PKN2: variants seen among roughly 807,000 people sequenced by gnomAD.
The protein encoded by PKN2 is serine/threonine-protein kinase N2.
PKN2 carries 38 observed loss-of-function variants against 119.1 expected under a neutral mutation model. The observed-to-expected ratio is 0.32, with a 90% CI of 0.25 to 0.42. The LOEUF (loss-of-function observed/expected upper bound fraction) is 0.42. PKN2 is among the 10% of genes least tolerant of loss of function. PKN2 has a pLI of 1.00. For missense variants in PKN2, 850 were observed against 1,165.1 expected (o/e 0.73, Z 3.94); for synonymous variants, 390 against 384.9 (o/e 1.01, Z -0.15).
In PKN2 at chr1:88,813,541, A is replaced by C; in HGVS notation, c.2103-16A>C. ...TTATTTTTAATCTGCTTATTTTAAA[A>C]TATTTTCTTTTACAGCCTGATGTGT... On this transcript the variant is annotated splice_polypyrimidine_tract_variant and intron_variant, in intron 15 of 21. Coordinates refer to ENST00000370521, the MANE Select transcript of PKN2 (RefSeq NM_006256.4). The C allele has an allele frequency of 6.6e-7, 1 of 1,504,290 alleles. No individual in the cohort carries two copies. The highest frequency in any genetic ancestry group is 9.0e-7 in the Non-Finnish European group (1 of 1,111,414). The allele number at this position is 1,504,290 out of a possible 1,614,324, so 93.2% of individuals were successfully genotyped here. A position where few individuals can be genotyped will look rare whatever the true frequency, so the allele number is the denominator to read the frequency against.
In PKN2 at chr1:88,805,590, GCACCTT is replaced by G; in HGVS notation, c.1598_1603del (p.Thr533_Phe534del). ...GCTATTCCTACAGTAAATCATTCTG[GCACCTT>G]CAGCCCTCAAGCTCCTGTGCCTACT... On this transcript the variant is annotated inframe_deletion, in exon 11 of 22. Transcript: ENST00000370521. 1 of 1,613,936 alleles carries G rather than the reference GCACCTT, an allele frequency of 6.2e-7. No homozygotes were observed. The highest frequency in any genetic ancestry group is 1.1e-5 in the South Asian group (1 of 91,076).
chr1:88,757,672 T>C (rs534442403), intron 2 of PKN2, among the ~76,000 whole-genome samples: 1 of 152,192 alleles, frequency 6.6e-6, no homozygotes, highest in South Asian at 2.1e-4. Flanking sequence ...TTAGCTTTTA[T>C]AGAAGTAAAG....
intron 1 of PKN2, among the ~76,000 whole-genome samples, chr1:88,698,588 T>C (rs1666636693): frequency 6.6e-6 from 1 of 152,186 alleles, no homozygotes; most frequent in African/African-American, 2.4e-5. Flanking sequence ...TAAAAAATTT[T>C]TGAAAATAAT....
intron 3 of PKN2, among the ~76,000 whole-genome samples, chr1:88,766,203 G>A (rs1239719091): frequency 6.6e-6 from 1 of 152,116 alleles, no homozygotes; most frequent in East Asian, 1.9e-4. Flanking sequence ...CAAATTATAA[G>A]CTTCATAGGA....
chr1:88,725,024 G>A (rs1667845802), intron 1 of PKN2, among the ~76,000 whole-genome samples: 1 of 151,682 alleles, frequency 6.6e-6, no homozygotes, highest in African/African-American at 2.4e-5. Context: ...AGCCTCCCAA[G>A]TAGCTGGGAT....
At chr1:88,790,175 T>G in intron 8 of PKN2, among the ~76,000 whole-genome samples, 1 of 152,212 alleles carries the variant, frequency 6.6e-6, no homozygotes, top group East Asian at 1.9e-4. Flanking sequence ...AGACTTTGTT[T>G]TACTATCATC....
intron 18 of PKN2, among the ~76,000 whole-genome samples, chr1:88,826,328 T>G (rs983699271): frequency 6.7e-6 from 1 of 149,686 alleles, no homozygotes; most frequent in African/African-American, 2.6e-5. Context: ...TTTTGAGTGC[T>G]TACCGTGTGC....
chr1:88,693,419 C>T (rs995869644), intron 1 of PKN2, among the ~76,000 whole-genome samples: 1 of 152,184 alleles, frequency 6.6e-6, no homozygotes, highest in South Asian at 2.1e-4. Flanking sequence ...TCAAATTTGT[C>T]CATTGTTTAT....
intron 1 of PKN2, among the ~76,000 whole-genome samples, chr1:88,722,314 A>G (rs1667713358): frequency 1.3e-5 from 2 of 152,120 alleles, no homozygotes; most frequent in Non-Finnish European, 2.9e-5. Context: ...AGGAACAATG[A>G]CTTGTGACTG....
intron 2 of PKN2, among the ~76,000 whole-genome samples, chr1:88,747,510 T>C (rs1041542154): frequency 2.6e-5 from 4 of 152,250 alleles, no homozygotes; most frequent in African/African-American, 9.6e-5. Flanking sequence ...GGAGTAGTAA[T>C]CTAAGCCTTA....
intron 18 of PKN2, among the ~76,000 whole-genome samples, chr1:88,827,684 C>A (rs7534763): frequency 0.59 from 80,517 of 137,122 alleles, 23,793 homozygotes; most frequent in Middle Eastern, 0.81. Context: ...CTCTCTCTCT[C>A]TATATATAAT....
intron 16 of PKN2, among the ~76,000 whole-genome samples, chr1:88,814,059 A>G (rs1213099197): frequency 6.6e-6 from 1 of 151,604 alleles, no homozygotes; most frequent in Non-Finnish European, 1.5e-5. Flanking sequence ...GACAGATTAT[A>G]CTCAAAATGC....
chr1:88,707,049 C>T (rs1415293011), intron 1 of PKN2, among the ~76,000 whole-genome samples: 1 of 151,356 alleles, frequency 6.6e-6, no homozygotes, highest in African/African-American at 2.4e-5. Flanking sequence ...TAAATCTGCC[C>T]ATGGCTACTT....
chr1:88,731,876 G>A (rs1483998620), intron 1 of PKN2, among the ~76,000 whole-genome samples: 1 of 152,144 alleles, frequency 6.6e-6, no homozygotes, highest in East Asian at 1.9e-4. Context: ...TCTTATTTCA[G>A]TGTTTTTCTT....
intron 2 of PKN2, among the ~76,000 whole-genome samples, chr1:88,752,281 A>G (rs1484477249): frequency 6.6e-6 from 1 of 152,076 alleles, no homozygotes; most frequent in Non-Finnish European, 1.5e-5. Context: ...TTTTAATGCT[A>G]GAGCTTCTAT....
chr1:88,776,361 G>A (rs72724747), intron 6 of PKN2, among the ~76,000 whole-genome samples: 7,639 of 150,854 alleles, frequency 0.051, 281 homozygotes, highest in Admixed American at 0.08. Flanking sequence ...TGTTATCTAG[G>A]AATCTCTTTC....
At chr1:88,821,868 G>A (rs1672305773) in intron 16 of PKN2, 73 bp from the exon 17 acceptor site, 1 of 1,160,916 alleles carries the variant, frequency 8.6e-7, no homozygotes. Flanking sequence ...CTGCTTTGAA[G>A]TATAAACATA....
intron 1 of PKN2, among the ~76,000 whole-genome samples, chr1:88,730,379 T>A (rs539919492): frequency 6.6e-6 from 1 of 152,308 alleles, no homozygotes; most frequent in South Asian, 2.1e-4. Flanking sequence ...AGTAAGGCCA[T>A]CAGGGACCCA....
chr1:88,705,455 G>T (rs575036943), intron 1 of PKN2, among the ~76,000 whole-genome samples: 8 of 152,018 alleles, frequency 5.3e-5, no homozygotes, highest in Admixed American at 1.3e-4. Flanking sequence ...AGCACTCTGG[G>T]AGGCCGAGGC....
Sources: gnomAD v4.1 joint callset for allele counts (sites outside exome capture counted in the v4.1 genomes callset) on GRCh38, gnomAD v4.1.1 for gene constraint, MANE v1.5 for transcripts, NCBI Gene and HGNC (gene_info 2026-07-23, HGNC 2026-07-21) for gene names.